The following LAMA1 variants were observed in gnomAD, a reference collection of about 807,000 sequenced individuals.
The protein encoded by LAMA1 is laminin subunit alpha 1, also known as laminin subunit alpha-1.
Under a neutral mutation model 348.7 loss-of-function variants are expected in LAMA1, and 219 were observed. The ratio of observed to expected loss-of-function variants is 0.63; its 90% CI spans 0.56 to 0.70. LAMA1 has a LOEUF of 0.70. LAMA1 is among the 30% of genes least tolerant of loss of function. LAMA1 has a pLI of 0.00. For synonymous variants in LAMA1, 1,487 were observed against 1,491.0 expected (o/e 1.00, Z 0.06); for missense variants, 3,744 against 3,888.0 (o/e 0.96, Z 0.99).
chr18:7,016,822 C>T, intron 20 of LAMA1, 151 bp from the exon 21 acceptor site: 1 of 755,216 alleles, frequency 1.3e-6, no homozygotes, highest in Non-Finnish European at 2.1e-6. Flanking sequence ...CAAACATCCA[C>T]TCTCTAGACA....
chr18:7,027,824 T>C (rs191303742), intron 16 of LAMA1, among the ~76,000 whole-genome samples: 6 of 152,182 alleles, frequency 3.9e-5, no homozygotes, highest in Admixed American at 2.0e-4. Flanking sequence ...GCACCTGTAA[T>C]CCCAGCTACT....
At chr18:6,954,911 C>G (rs549225201) in intron 57 of LAMA1, 1 of 272,136 alleles carries the variant, frequency 3.7e-6, no homozygotes, top group South Asian at 4.2e-5. Context: ...GTCCCAGGGA[C>G]AGGCAGGTAT....
In LAMA1 at chr18:6,967,584, C is replaced by G. The variant is rs1185824356; in HGVS notation, c.6900-1287G>C. ...GCCCCAGGCAGTTCTTAGAACAGTG[C>G]CTGGCACACAACAGATGTTTTCTCT... is the stretch of plus-strand genomic sequence containing the variant. On this transcript the variant is annotated intron_variant, in intron 48 of 62. Transcript: ENST00000389658. Among the ~76,000 whole-genome samples, 5 of 152,348 alleles carry G rather than the reference C, an allele frequency of 3.3e-5. 1 individual carries two copies. In the Middle Eastern group the frequency reaches 0.017, roughly 518 times the overall value.
intron 19 of LAMA1, among the ~76,000 whole-genome samples, chr18:7,017,945 A>C (rs2057896503): frequency 6.6e-6 from 1 of 152,190 alleles, no homozygotes; most frequent in Non-Finnish European, 1.5e-5. Context: ...AAAGCTACAA[A>C]GTTCCCTACC....
Position 7,033,026 on chromosome 18 carries a change from C to A in LAMA1, c.2121G>T (p.Glu707Asp). Residue 707 changes from glutamate to aspartate, a missense_variant, in exon 15 of 63, where the codon GAG (glutamate) becomes GAT (aspartate). Physicochemically the swap from Glu to Asp is conservative, Grantham distance 45. This residue lies in a region of LAMA1 where 1,529 missense variants were observed against 1,689.4 expected (regional missense o/e 0.91). Coordinates refer to ENST00000389658, the MANE Select transcript of LAMA1 (RefSeq NM_005559.4). ...TGTAGCCTTGCGGACATTCACAGTG[C>A]TCCACATCAGCGGCCACCACCAGGT... The part of the protein sequence containing the change: ...AIDLVVAADV[E>D]HCECPQGYTG... 6.2e-7 allele frequency: 1 copy of A among 1,612,416 alleles called. No individual in the cohort carries two copies. The highest frequency in any genetic ancestry group is 1.6e-4 in the Middle Eastern group (1 of 6,062).
intron 3 of LAMA1, among the ~76,000 whole-genome samples, chr18:7,077,923 G>C (rs1267250140): frequency 6.6e-6 from 1 of 151,558 alleles, no homozygotes; most frequent in Admixed American, 6.6e-5. Context: ...GAGATCAGAA[G>C]TTCGAGACCA....
chr18:7,030,108 G>C (rs2057962269), intron 16 of LAMA1, among the ~76,000 whole-genome samples: 1 of 152,070 alleles, frequency 6.6e-6, no homozygotes, highest in African/African-American at 2.4e-5. Context: ...GGGAGAAATA[G>C]TAACTTCAGA....
intron 1 of LAMA1, among the ~76,000 whole-genome samples, chr18:7,099,311 C>A (rs560979838): frequency 9.3e-5 from 14 of 151,050 alleles, no homozygotes; most frequent in African/African-American, 3.4e-4. Context: ...ATCTCAAGTA[C>A]CCAGGGACAC....
At chr18:7,036,305 T>C (rs1439007776) in intron 12 of LAMA1, among the ~76,000 whole-genome samples, 1 of 152,220 alleles carries the variant, frequency 6.6e-6, no homozygotes, top group African/African-American at 2.4e-5. Context: ...AGGACACTGT[T>C]TGAAAGCACA....
At chr18:6,971,734 A>G in intron 48 of LAMA1, 123 bp downstream of exon 48, 3 of 1,362,940 alleles carry the variant, frequency 2.2e-6, no homozygotes, top group Non-Finnish European at 3.1e-6. Flanking sequence ...ATTGGCAGCT[A>G]AACACCTACC....
At position 6,985,518 on chromosome 18, in the gene LAMA1, G is replaced by A. The variant is rs374588984; in HGVS notation, c.5496+9C>T. ...AACTGTACTGTGGCTGTGCTGAGAT[G>A]TAATTTACCTCTAGAGCATCTTGTA... On this transcript the variant is annotated intron_variant, in intron 38 of 62. Transcript: ENST00000389658. The A allele has an allele frequency of 3.1e-6, 5 of 1,612,502 alleles. No individual in the cohort carries two copies. Among genetic ancestry groups the A allele is most frequent in the Non-Finnish European group, 4.2e-6 (5 of 1,178,528 alleles).
chr18:6,952,230 T>G (rs2057550122), intron 57 of LAMA1, among the ~76,000 whole-genome samples: 1 of 151,578 alleles, frequency 6.6e-6, no homozygotes, highest in Non-Finnish European at 1.5e-5. Flanking sequence ...ACTAGGAGAG[T>G]GTGCATCTGT....
chr18:7,073,058 G>T (rs2058152387), intron 3 of LAMA1, among the ~76,000 whole-genome samples: 1 of 152,080 alleles, frequency 6.6e-6, no homozygotes, highest in South Asian at 2.1e-4. Flanking sequence ...ACACCCTCCT[G>T]CGTTGCTGCC....
At chr18:7,038,571 G>A (rs978687602) in intron 11 of LAMA1, 11 of 596,252 alleles carry the variant, frequency 1.8e-5, no homozygotes, top group Non-Finnish European at 3.3e-5. Context: ...AACAAGACGT[G>A]TTCTCTAGTG....
At chr18:7,068,939 T>C (rs933472397) in intron 3 of LAMA1, among the ~76,000 whole-genome samples, 1 of 152,198 alleles carries the variant, frequency 6.6e-6, no homozygotes, top group South Asian at 2.1e-4. Flanking sequence ...TTTTTTCCCA[T>C]AAATATACAA....
chr18:7,090,983 C>T (rs929817129), intron 1 of LAMA1, among the ~76,000 whole-genome samples: 1 of 152,144 alleles, frequency 6.6e-6, no homozygotes. Context: ...GTAAGAGAAA[C>T]ACATGGTATG....
chr18:7,034,804 G>A, intron 13 of LAMA1, 114 bp from the exon 14 acceptor site: 1 of 847,250 alleles, frequency 1.2e-6, no homozygotes, highest in Non-Finnish European at 1.9e-6. Flanking sequence ...CTAGCTTCTT[G>A]TGGCAAACGT....
chr18:7,085,645 C>T (rs1229447933), intron 1 of LAMA1, among the ~76,000 whole-genome samples: 1 of 152,070 alleles, frequency 6.6e-6, no homozygotes, highest in Non-Finnish European at 1.5e-5. Context: ...GTCTCGATCT[C>T]CTGACTTCCT....
intron 33 of LAMA1, among the ~76,000 whole-genome samples, chr18:6,997,087 T>C (rs915474103): frequency 7.2e-5 from 11 of 152,196 alleles, no homozygotes; most frequent in Non-Finnish European, 1.3e-4. Context: ...TTTTCTGAGA[T>C]GGAGTCTTGC....
Sources: gnomAD v4.1 joint callset for allele counts (sites outside exome capture counted in the v4.1 genomes callset) on GRCh38, gnomAD v4.1.1 for gene constraint, gnomAD v4.1.1 regional missense constraint, MANE v1.5 for transcripts, NCBI Gene and HGNC (gene_info 2026-07-23, HGNC 2026-07-21) for gene names.